Variants in PIWIL2 observed in about 807,000 individuals in gnomAD.
PIWIL2 encodes the protein piwi-like protein 2.
PIWIL2 carries 81 observed loss-of-function variants against 116.5 expected under a neutral mutation model. The observed-to-expected ratio is 0.70, with a 90% CI of 0.58 to 0.84. The LOEUF (loss-of-function observed/expected upper bound fraction) is 0.84, where lower values mean the gene tolerates loss of function less well. Ranked by LOEUF, PIWIL2 falls within the 40% of genes least tolerant of loss-of-function variation. The pLI is 0.00. For missense variants in PIWIL2, 1,272 were observed against 1,212.3 expected (o/e 1.05, Z -0.73); for synonymous variants, 489 against 429.5 (o/e 1.14, Z -1.71).
At chr8:22,290,437 C>T (rs764647681) in intron 10 of PIWIL2, 91 bp downstream of exon 10, 98 of 710,750 alleles carry the variant, frequency 1.4e-4, no homozygotes, top group Admixed American at 9.8e-4. Context: ...AGACATTGTT[C>T]TGTTTGTTTG....
In PIWIL2 at chr8:22,315,069, G is replaced by A. The variant is rs1586570799; in HGVS notation, c.2132G>A (p.Arg711Gln). ...VRTIGQPTRLRSVAQKILLQI... is the reference protein window; with the variant it reads ...VRTIGQPTRLQSVAQKILLQI... The stretch of plus-strand genomic sequence containing the variant: ...ACCATTGGTCAGCCCACCAGGCTTC[G>A]GAGTGTGGCCCAGAAGATTTTACTT... The change falls in exon 18 of 23, where the codon CGG (arginine) becomes CAG (glutamine). Residue 711 changes from arginine to glutamine, a missense_variant. Arg to Gln is a conservative substitution (Grantham distance 43). Coordinates refer to ENST00000356766, the MANE Select transcript of PIWIL2 (RefSeq NM_018068.5). 6.2e-6 allele frequency: 10 copies of A among 1,613,798 alleles called. No homozygotes were observed. Among genetic ancestry groups the A allele is most frequent in the East Asian group, 4.5e-5 (2 of 44,884 alleles).
intron 13 of PIWIL2, among the ~76,000 whole-genome samples, chr8:22,306,965 C>G (rs780065668): frequency 6.6e-6 from 1 of 152,168 alleles, no homozygotes; most frequent in Non-Finnish European, 1.5e-5. Context: ...CAGAATCTTC[C>G]TGCATACCTG....
intron 10 of PIWIL2, among the ~76,000 whole-genome samples, chr8:22,294,644 CAAAAAAAAAAAA>C (rs897494985): frequency 3.3e-5 from 1 of 29,902 alleles, no homozygotes; most frequent in African/African-American, 1.2e-4. Context: ...GACTCTGTCT[CAAAAAAAAAAAA>C]AAAAAAAAAA....
At chr8:22,285,363 A>G (rs1169777271) in intron 6 of PIWIL2, among the ~76,000 whole-genome samples, 1 of 152,070 alleles carries the variant, frequency 6.6e-6, no homozygotes, top group Non-Finnish European at 1.5e-5. Flanking sequence ...TTACCATAAT[A>G]CTCTCCAGAT....
intron 20 of PIWIL2, among the ~76,000 whole-genome samples, chr8:22,334,175 A>G (rs1161387517): frequency 2.0e-5 from 3 of 151,784 alleles, no homozygotes; most frequent in Non-Finnish European, 2.9e-5. Flanking sequence ...GGGTTTCATC[A>G]TGTTGGCCAG....
chr8:22,331,177 AAAAAAT>A (rs1191128526), intron 20 of PIWIL2, among the ~76,000 whole-genome samples: 4 of 151,994 alleles, frequency 2.6e-5, no homozygotes, highest in Non-Finnish European at 4.4e-5. Context: ...CTCTGTCTCA[AAAAAAT>A]AAAAATAAAA....
chr8:22,320,422 A>G (rs1008133933), intron 20 of PIWIL2, among the ~76,000 whole-genome samples: 2 of 149,526 alleles, frequency 1.3e-5, no homozygotes, highest in Non-Finnish European at 3.0e-5. Context: ...CATGTGCCAC[A>G]AGACCCAGGT....
chr8:22,351,164 T>G (rs979989985), intron 20 of PIWIL2, among the ~76,000 whole-genome samples: 1 of 150,866 alleles, frequency 6.6e-6, no homozygotes, highest in African/African-American at 2.4e-5. Context: ...AAAAAATAAT[T>G]AATTAATTAA....
chr8:22,344,911 TAA>T (rs1473878354), intron 20 of PIWIL2, among the ~76,000 whole-genome samples: 1 of 152,126 alleles, frequency 6.6e-6, no homozygotes, highest in Non-Finnish European at 1.5e-5. Context: ...AGACAAGTAA[TAA>T]AAGTCTTGTC....
intron 20 of PIWIL2, among the ~76,000 whole-genome samples, chr8:22,326,091 A>G (rs948017139): frequency 6.6e-6 from 1 of 152,102 alleles, no homozygotes; most frequent in African/African-American, 2.4e-5. Flanking sequence ...TACTCATTTC[A>G]TGGAGCCAGA....
intron 20 of PIWIL2, among the ~76,000 whole-genome samples, chr8:22,342,856 G>C (rs976991642): frequency 6.6e-6 from 1 of 152,160 alleles, no homozygotes; most frequent in Non-Finnish European, 1.5e-5. Context: ...TGCAAAACAC[G>C]TATCTGATAA....
chr8:22,323,850 T>G (rs7826414), intron 20 of PIWIL2, among the ~76,000 whole-genome samples: 84,559 of 152,018 alleles, frequency 0.56, 24,383 homozygotes, highest in East Asian at 0.87. Context: ...ACATTGTCAG[T>G]TTTCAAAAGC....
At chr8:22,303,898 A>G (rs1478490464) in intron 10 of PIWIL2, 123 bp from the exon 11 acceptor site, 2 of 525,174 alleles carry the variant, frequency 3.8e-6, no homozygotes, top group South Asian at 4.3e-5. Context: ...ATCTTTTAAC[A>G]CAACTGGAGC....
At chr8:22,326,810 C>T (rs2132072776) in intron 20 of PIWIL2, among the ~76,000 whole-genome samples, 1 of 152,150 alleles carries the variant, frequency 6.6e-6, no homozygotes. Flanking sequence ...CATTCCTGAA[C>T]AAGTATTTGT....
At chr8:22,322,858 AAT>A (rs1831633716) in intron 20 of PIWIL2, among the ~76,000 whole-genome samples, 1 of 152,072 alleles carries the variant, frequency 6.6e-6, no homozygotes, top group Non-Finnish European at 1.5e-5. Flanking sequence ...GTTTTCTTAG[AAT>A]TATCTCAGGT....
intron 6 of PIWIL2, among the ~76,000 whole-genome samples, chr8:22,287,264 T>C (rs1364082295): frequency 6.6e-6 from 1 of 152,130 alleles, no homozygotes; most frequent in Non-Finnish European, 1.5e-5. Flanking sequence ...AATGTGTATA[T>C]ATGAAAGAAT....
intron 20 of PIWIL2, among the ~76,000 whole-genome samples, chr8:22,337,655 G>C (rs577323799): frequency 6.6e-5 from 10 of 151,700 alleles, no homozygotes; most frequent in Non-Finnish European, 1.5e-4. Flanking sequence ...GCTTGTACCT[G>C]GGAGGCGGAG....
intron 11 of PIWIL2, 103 bp downstream of exon 11, chr8:22,304,312 T>C: frequency 1.4e-6 from 1 of 708,410 alleles, no homozygotes; most frequent in Non-Finnish European, 2.4e-6. Context: ...CTTGACACTT[T>C]TCAAAATAAT....
chr8:22,344,811 G>C (rs1198785028), intron 20 of PIWIL2, among the ~76,000 whole-genome samples: 1 of 152,168 alleles, frequency 6.6e-6, no homozygotes, highest in Non-Finnish European at 1.5e-5. Flanking sequence ...GGGAGGTCAA[G>C]GCTGCAGTGA....
Sources: gnomAD v4.1 joint callset for allele counts (sites outside exome capture counted in the v4.1 genomes callset) on GRCh38, gnomAD v4.1.1 for gene constraint, MANE v1.5 for transcripts, NCBI Gene and HGNC (gene_info 2026-07-23, HGNC 2026-07-21) for gene names.